GALNT12: variants seen among roughly 807,000 people sequenced by gnomAD.
The protein encoded by GALNT12 is polypeptide N-acetylgalactosaminyltransferase 12.
In GALNT12, 45 loss-of-function variants were observed where a neutral mutation model predicts 55.5. The observed-to-expected ratio is 0.81, with a 90% confidence interval of 0.64 to 1.04. The LOEUF (loss-of-function observed/expected upper bound fraction) is 1.04, where lower values mean the gene tolerates loss of function less well. Among genes scored for constraint, GALNT12 ranks in the 50% least tolerant of loss-of-function variants. GALNT12 has a pLI of 0.00. For synonymous variants in GALNT12, 304 were observed against 312.2 expected, an observed-to-expected ratio of 0.97 and a Z score of 0.28; for missense variants, 709 against 754.8, an observed-to-expected ratio of 0.94 and a Z score of 0.71.
chr9:98,835,115 G>T (rs1030507133), intron 4 of GALNT12, 134 bp from the exon 5 acceptor site: 7 of 762,050 alleles, frequency 9.2e-6, no homozygotes, highest in Non-Finnish European at 1.4e-5. Context: ...CTAGTGTGGG[G>T]CACAGAGGTG....
At chr9:98,832,833 C>G (rs1255746095) in intron 4 of GALNT12, among the ~76,000 whole-genome samples, 1 of 152,150 alleles carries the variant, frequency 6.6e-6, no homozygotes, top group African/African-American at 2.4e-5. Context: ...TTCCTTTGTA[C>G]ATATATGCTA....
In GALNT12 at chr9:98,835,982, C is replaced by T. The variant is rs774727373; in HGVS notation, c.1035+616C>T. ...AACTCCTGACCTCAGGTGATCCACC[C>T]GCCTTGGCCTCCCAAAGTGCTGGGA... On this transcript the variant is annotated intron_variant, in intron 5 of 9. Coordinates refer to ENST00000375011, the MANE Select transcript of GALNT12 (RefSeq NM_024642.5). 4.6e-5 allele frequency among the ~76,000 whole-genome samples: 7 copies of T among 152,288 alleles called. No individual in the cohort carries two copies. In the South Asian group the frequency reaches 1.2e-3, roughly 27 times the overall value.
chr9:98,849,551 TA>T lies in GALNT12; in HGVS notation c.*462del. 1 of 464,298 alleles carries T rather than the reference TA, an allele frequency of 2.2e-6. No individual in the cohort carries two copies. Among genetic ancestry groups the T allele is most frequent in the Non-Finnish European group, 3.8e-6 (1 of 266,500 alleles). The allele number at this position is 464,298 out of a possible 1,614,324, so 28.8% of individuals were successfully genotyped here. On this transcript the variant is annotated 3_prime_UTR_variant, in exon 10 of 10. Transcript: ENST00000375011. ...ACTGATAATACCTCAGCTGCGGGGT[TA>T]AAGTTTTCCCAGTATAGAGAGACTG...
chr9:98,841,866 C>T (rs774084501), intron 7 of GALNT12, among the ~76,000 whole-genome samples: 2 of 151,058 alleles, frequency 1.3e-5, no homozygotes, highest in South Asian at 2.1e-4. Context: ...TTAGCAGAGA[C>T]GGGGTTTCAC....
rs148185838 is a variant in GALNT12 at position 98,827,490 on chromosome 9, C to T, written c.731+549C>T. 2.4e-3 allele frequency among the ~76,000 whole-genome samples: 363 copies of T among 152,222 alleles called. 1 individual carries two copies. The highest frequency in any genetic ancestry group is 8.4e-3 in the African/African-American group (347 of 41,542). ...ACCGGCCTTATTATTCCTTTTTATC[C>T]GGGCTTGTTGCAGAAAACCGAGGAA... On this transcript the variant is annotated intron_variant, in intron 3 of 9. Transcript: ENST00000375011.
At position 98,832,125 on chromosome 9, in the gene GALNT12, C is replaced by T. The variant is rs977499559; in HGVS notation, c.917+168C>T. ...TGTTTATTTTTATTAAACGTGTCTG[C>T]TACACATGTCAATTTTATATCGGTA... On this transcript the variant is annotated intron_variant, in intron 4 of 9. Coordinates refer to ENST00000375011, the MANE Select transcript of GALNT12 (RefSeq NM_024642.5). Among the ~76,000 whole-genome samples, 4 of 152,272 alleles carry T rather than the reference C, an allele frequency of 2.6e-5. No individual in the cohort carries two copies. In the East Asian group the frequency reaches 5.8e-4, roughly 22 times the overall value.
chr9:98,835,971 G>C (rs1389474156), intron 5 of GALNT12, among the ~76,000 whole-genome samples: 2 of 152,106 alleles, frequency 1.3e-5, no homozygotes, highest in African/African-American at 4.8e-5. Flanking sequence ...CCTGACCTCA[G>C]GTGATCCACC....
chr9:98,843,377 G>A (rs1836339329), intron 7 of GALNT12, among the ~76,000 whole-genome samples: 1 of 151,930 alleles, frequency 6.6e-6, no homozygotes, highest in Non-Finnish European at 1.5e-5. Context: ...AACATACCAT[G>A]CTCTAAAGTG....
In GALNT12 at chr9:98,831,847, G is replaced by A. The variant is rs1400950638; in HGVS notation, c.807G>A (p.Gly269=). Reference sequence around the variant, plus strand: ...ACTGGAACACCTTCGAATACCTGGGGAACTCCGGGGAGCCCCAGATCGGCG... The same window carrying A: ...ACTGGAACACCTTCGAATACCTGGGAAACTCCGGGGAGCCCCAGATCGGCG... ...VIDWNTFEYL[G]NSGEPQIGGF... is the part of the protein sequence containing the mutation. The change falls in exon 4 of 10, where the codon GGG becomes GGA. Residue 269 remains glycine, a synonymous_variant. Transcript: ENST00000375011. The A allele has an allele frequency of 6.2e-7, 1 of 1,614,208 alleles. No homozygotes were observed. Among genetic ancestry groups the A allele is most frequent in the East Asian group, 2.2e-5 (1 of 44,882 alleles).
intron 7 of GALNT12, among the ~76,000 whole-genome samples, chr9:98,842,664 C>G (rs895746282): frequency 6.6e-5 from 10 of 152,112 alleles, no homozygotes; most frequent in African/African-American, 2.2e-4. Context: ...AAGCCCTGCT[C>G]CTTTGTTGGG....
Position 98,849,491 on chromosome 9 carries a change from G to A in GALNT12, c.*399G>A. 1 of 516,290 alleles carries A rather than the reference G, an allele frequency of 1.9e-6. No homozygotes were observed. The highest frequency in any genetic ancestry group is 3.0e-5 in the East Asian group (1 of 32,902). 32.0% of individuals were successfully genotyped at this position (516,290 alleles called of 1,614,324 possible). On this transcript the variant is annotated 3_prime_UTR_variant, in exon 10 of 10. Coordinates refer to ENST00000375011, the MANE Select transcript of GALNT12 (RefSeq NM_024642.5). ...CCCAGGTACGAAGATATCTGCATGG[G>A]TGGAAATCAGGTTCAAGCAACGTAC...
intron 1 of GALNT12, among the ~76,000 whole-genome samples, chr9:98,817,434 A>AG (rs1046696885): frequency 3.3e-5 from 5 of 151,936 alleles, no homozygotes; most frequent in African/African-American, 1.2e-4. Context: ...TATTTGTTGG[A>AG]GGGGGGATGT....
chr9:98,835,472 G>A (rs746897884), intron 5 of GALNT12, 106 bp downstream of exon 5: 30 of 796,948 alleles, frequency 3.8e-5, no homozygotes, highest in South Asian at 3.4e-4. Flanking sequence ...ATGATGACAC[G>A]CATATCCTAT....
At chr9:98,822,836 C>A (rs1408736173) in intron 1 of GALNT12, among the ~76,000 whole-genome samples, 1 of 152,096 alleles carries the variant, frequency 6.6e-6, no homozygotes, top group Non-Finnish European at 1.5e-5. Flanking sequence ...GAGAACAGGC[C>A]TGAGCTGGGA....
intron 8 of GALNT12, 139 bp from the exon 9 acceptor site, chr9:98,845,838 C>T: frequency 1.2e-6 from 1 of 850,730 alleles, no homozygotes; most frequent in Non-Finnish European, 2.0e-6. Context: ...AGGAACCCAT[C>T]ACACAGGCTC....
chr9:98,824,868 A>G (rs1835823957), intron 2 of GALNT12, among the ~76,000 whole-genome samples: 1 of 152,148 alleles, frequency 6.6e-6, no homozygotes, highest in Non-Finnish European at 1.5e-5. Flanking sequence ...GCTCATCTGC[A>G]TTTCCTTTTT....
chr9:98,807,862 C>T lies in GALNT12; in HGVS notation c.164C>T (p.Thr55Ile), dbSNP rs927193317. Residue 55 changes from threonine to isoleucine, a missense_variant, in exon 1 of 10, where the codon ACC becomes ATC. Physicochemically the swap from Thr to Ile is moderately conservative, Grantham distance 89. This residue lies in a region of GALNT12 where 110 missense variants were observed against 102.2 expected (regional missense o/e 1.08). Coordinates refer to ENST00000375011, the MANE Select transcript of GALNT12 (RefSeq NM_024642.5). ...AGAAEPGPPRTPRPGRREPVM... is the reference protein window; with the variant it reads ...AGAAEPGPPRIPRPGRREPVM... ...GCTGCCGAGCCGGGACCCCCGCGCA[C>T]CCCGCGCCCCGGGCGGCGCGAGCCG... 1.4e-5 allele frequency: 14 copies of T among 1,010,400 alleles called. No homozygotes were observed. The Admixed American group carries it at 7.7e-4, about 56-fold the overall frequency. 62.6% of individuals were successfully genotyped at this position (1,010,400 alleles called of 1,614,324 possible).
intron 3 of GALNT12, among the ~76,000 whole-genome samples, chr9:98,831,008 C>CA (rs1835980981): frequency 6.6e-6 from 1 of 152,180 alleles, no homozygotes; most frequent in African/African-American, 2.4e-5. Flanking sequence ...CTCAGTCCAT[C>CA]TTTCCTGGTG....
chr9:98,823,108 C>G, intron 1 of GALNT12, 148 bp from the exon 2 acceptor site: 2 of 754,380 alleles, frequency 2.7e-6, no homozygotes, highest in South Asian at 2.9e-5. Flanking sequence ...GCTGGGGCTC[C>G]TAGTGCCACA....
Sources: gnomAD v4.1 joint callset for allele counts (sites outside exome capture counted in the v4.1 genomes callset) on GRCh38, gnomAD v4.1.1 for gene constraint, gnomAD v4.1.1 regional missense constraint, MANE v1.5 for transcripts, NCBI Gene and HGNC (gene_info 2026-07-23, HGNC 2026-07-21) for gene names.